ERG: variants seen among roughly 807,000 people sequenced by gnomAD.
ERG encodes ETS transcription factor ERG, also known as transcriptional regulator ERG.
In ERG, 9 loss-of-function variants were observed where a neutral mutation model predicts 55.3. The observed-to-expected ratio is 0.16, with a 90% CI of 0.10 to 0.28. The LOEUF is 0.28. Among genes scored for constraint, ERG ranks in the 10% least tolerant of loss-of-function variants. The pLI is 1.00. For synonymous variants in ERG, 223 were observed against 237.3 expected (o/e 0.94, Z 0.55); for missense variants, 434 against 631.6 (o/e 0.69, Z 3.35).
Position 38,403,533 on chromosome 21 carries a change from G to C in ERG, c.565C>G (p.Leu189Val). The C allele has an allele frequency of 1.9e-6, 3 of 1,614,220 alleles. No homozygotes were observed. Among genetic ancestry groups the C allele is most frequent in the Non-Finnish European group, 2.5e-6 (3 of 1,180,036 alleles). Residue 189 changes from leucine to valine, a missense_variant, in exon 4 of 10, where the codon CTC (leucine) becomes GTC (valine). Leu to Val is a conservative substitution (Grantham distance 32). This residue lies in a region of ERG where 212 missense variants were observed against 262.9 expected (regional missense o/e 0.81). Coordinates refer to ENST00000288319, the MANE Select transcript of ERG (RefSeq NM_182918.4). ...LTPSYNADIL[L>V]SHLHYLRETP... ...TCTCTGAGGTAGTGGAGATGTGAGAGAAGGATGTCGGCGTTGTAGCTGGGG... is the reference window on the plus strand; with the variant it reads ...TCTCTGAGGTAGTGGAGATGTGAGACAAGGATGTCGGCGTTGTAGCTGGGG...
rs536457216 is a variant in ERG, at chr21:38,654,924, T to C, written c.-150+6734A>G. Among the ~76,000 whole-genome samples the C allele has an allele frequency of 1.1e-4, 16 of 148,034 alleles. No individual in the cohort carries two copies. In the South Asian group the frequency reaches 3.1e-3, roughly 29 times the overall value. On this transcript the variant is annotated intron_variant, in intron 1 of 10. Transcript: ENST00000398910. Reference sequence around the variant, plus strand: ...GGGTATAATTTTAATGAGAATCCATTCAACATATGAAATCTTAGAATGTTT... The same window carrying C: ...GGGTATAATTTTAATGAGAATCCATCCAACATATGAAATCTTAGAATGTTT...
chr21:38,414,304 C>T (rs1989186325), intron 3 of ERG, among the ~76,000 whole-genome samples: 1 of 152,194 alleles, frequency 6.6e-6, no homozygotes, highest in Admixed American at 6.5e-5. Flanking sequence ...TAGGCTCACC[C>T]TAATGACCTC....
At chr21:38,496,644 G>A (rs925216097) in intron 1 of ERG, among the ~76,000 whole-genome samples, 1 of 152,126 alleles carries the variant, frequency 6.6e-6, no homozygotes, top group Non-Finnish European at 1.5e-5. Context: ...GTTAAATCAA[G>A]CATAGTACCT....
At chr21:38,398,278 G>A (rs1384709469) in intron 6 of ERG, among the ~76,000 whole-genome samples, 3 of 151,826 alleles carry the variant, frequency 2.0e-5, no homozygotes, top group Non-Finnish European at 4.4e-5. Flanking sequence ...AAGGTTGATC[G>A]CTTAGCAATG....
intron 1 of ERG, among the ~76,000 whole-genome samples, chr21:38,638,287 T>A (rs548624492): frequency 1.3e-5 from 2 of 152,298 alleles, no homozygotes; most frequent in African/African-American, 4.8e-5. Context: ...GGGGAGTTAA[T>A]CCAGGTAAAG....
intron 2 of ERG, among the ~76,000 whole-genome samples, chr21:38,528,431 A>T (rs2059646061): frequency 2.3e-5 from 1 of 43,610 alleles, no homozygotes; most frequent in Non-Finnish European, 4.6e-5. Flanking sequence ...AGCCATAGCA[A>T]ACTTTTTTTT....
rs181354239 is a variant in ERG at position 38,436,446 on chromosome 21, C to T, written c.236+8958G>A. 1.4e-4 allele frequency among the ~76,000 whole-genome samples: 21 copies of T among 152,224 alleles called. No individual in the cohort carries two copies. The East Asian group carries it at 4.1e-3, about 29-fold the overall frequency. On this transcript the variant is annotated intron_variant, in intron 2 of 9. Transcript: ENST00000288319. ...CTGCTTGTCTGACACGTGGAGAGAA[C>T]CTTGCTATCCCTCTCAATGCAGGAA...
the ERG span, chr21:38,367,728 G>A: frequency 4.2e-6 from 2 of 473,696 alleles, no homozygotes; most frequent in East Asian, 9.5e-5. Context: ...GAACAAGACA[G>A]AATTCTGCAC....
chr21:38,647,085 G>A (rs192642080), intron 1 of ERG, among the ~76,000 whole-genome samples: 144 of 152,252 alleles, frequency 9.5e-4, no homozygotes, highest in African/African-American at 2.6e-3. Context: ...CTTCTCATAC[G>A]TGGAAAACAT....
At chr21:38,424,346 G>A (rs917897469) in intron 2 of ERG, among the ~76,000 whole-genome samples, 2 of 152,138 alleles carry the variant, frequency 1.3e-5, no homozygotes, top group African/African-American at 4.8e-5. Context: ...AAGTATGCAA[G>A]CTCGAGTCCC....
At chr21:38,539,622 T>C (rs2059736672) in intron 2 of ERG, among the ~76,000 whole-genome samples, 1 of 152,142 alleles carries the variant, frequency 6.6e-6, no homozygotes. Flanking sequence ...TTACAAATCA[T>C]TGTTGTATTT....
intron 2 of ERG, among the ~76,000 whole-genome samples, chr21:38,571,518 AT>A (rs1466387357): frequency 6.6e-5 from 10 of 151,960 alleles, no homozygotes; most frequent in Middle Eastern, 3.4e-3. Flanking sequence ...CTTAAAAAAA[AT>A]AAATAAAAAT....
intron 1 of ERG, among the ~76,000 whole-genome samples, chr21:38,651,098 G>C (rs773204993): frequency 2.6e-4 from 40 of 152,208 alleles, no homozygotes; most frequent in Admixed American, 1.0e-3. Context: ...CTATTTGTTA[G>C]CTGGCACACA....
At chr21:38,587,479 C>T (rs1276574760), upstream of ERG, among the ~76,000 whole-genome samples, 7 of 152,024 alleles carry the variant, frequency 4.6e-5, no homozygotes, top group Non-Finnish European at 1.0e-4. Flanking sequence ...CTGCCTCAGC[C>T]TCCCGAGTAG....
chr21:38,382,374 C>G lies in ERG; in HGVS notation c.*1029G>C, dbSNP rs1987485061. ...GCCAAGAAGGCCATCTCTTACCTGA[C>G]CCTGTGGAGAACAAAGCCCCCACAT... On this transcript the variant is annotated 3_prime_UTR_variant, in exon 10 of 10. Coordinates refer to ENST00000288319, the MANE Select transcript of ERG (RefSeq NM_182918.4). 9.4e-7 allele frequency: 1 copy of G among 1,060,212 alleles called. No homozygotes were observed. The highest frequency in any genetic ancestry group is 5.4e-5 in the Admixed American group (1 of 18,546). The allele number at this position is 1,060,212 out of a possible 1,614,324, so 65.7% of individuals were successfully genotyped here. A position where few individuals can be genotyped will look rare whatever the true frequency, so the allele number is the denominator to read the frequency against.
At chr21:38,528,416 T>A (rs1256458727) in intron 2 of ERG, among the ~76,000 whole-genome samples, 1 of 146,554 alleles carries the variant, frequency 6.8e-6, no homozygotes, top group African/African-American at 2.5e-5. Flanking sequence ...TATTATACAT[T>A]AGGAAGCCAT....
chr21:38,384,035 C>T, intron 9 of ERG, 112 bp from the exon 10 acceptor site: 7 of 1,392,988 alleles, frequency 5.0e-6, no homozygotes, highest in Admixed American at 2.5e-5. Context: ...ACATTCCCTT[C>T]ACCAGGCCTG....
intron 2 of ERG, among the ~76,000 whole-genome samples, chr21:38,573,489 C>T (rs1281519331): frequency 4.6e-5 from 7 of 152,184 alleles, no homozygotes; most frequent in East Asian, 3.9e-4. Flanking sequence ...ATGTTTACAG[C>T]AATGCTGCTT....
chr21:38,450,436 G>T (rs552087682), intron 1 of ERG, among the ~76,000 whole-genome samples: 1 of 152,264 alleles, frequency 6.6e-6, no homozygotes, highest in South Asian at 2.1e-4. Flanking sequence ...AGTCCTTGCT[G>T]CTATCACAAC....
Sources: allele counts gnomAD v4.1 joint callset (sites outside exome capture counted in the v4.1 genomes callset), GRCh38; gene constraint gnomAD v4.1.1; regional missense constraint gnomAD v4.1.1; transcripts MANE v1.5; gene names NCBI Gene and HGNC (gene_info 2026-07-23, HGNC 2026-07-21).